Variants in TAFA2 observed in about 807,000 individuals in gnomAD.
TAFA2 encodes the protein TAFA chemokine like family member 2, also known as chemokine-like protein TAFA-2.
TAFA2 carries 7 observed loss-of-function variants against 18.8 expected under a neutral mutation model. That is an observed-to-expected ratio of 0.37 (90% CI 0.21 to 0.70). The LOEUF is 0.70. Ranked by LOEUF, TAFA2 falls within the 30% of genes least tolerant of loss-of-function variation. TAFA2 has a pLI of 0.53. For missense variants in TAFA2, 122 were observed against 158.1 expected, an observed-to-expected ratio of 0.77 and a Z score of 1.23; for synonymous variants, 60 against 54.2, an observed-to-expected ratio of 1.11 and a Z score of -0.47.
intron 1 of TAFA2, among the ~76,000 whole-genome samples, chr12:62,097,258 G>A (rs1868992707): frequency 6.6e-6 from 1 of 152,100 alleles, no homozygotes; most frequent in African/African-American, 2.4e-5. Context: ...TACTTTGAGG[G>A]GGAAGGATAG....
intron 1 of TAFA2, among the ~76,000 whole-genome samples, chr12:62,043,881 T>A (rs1038718791): frequency 6.6e-6 from 1 of 152,176 alleles, no homozygotes; most frequent in Admixed American, 6.5e-5. Flanking sequence ...TTGAAGGCTG[T>A]ATTAACAATT....
chr12:62,051,966 A>C (rs1882065980), intron 1 of TAFA2, among the ~76,000 whole-genome samples: 1 of 152,252 alleles, frequency 6.6e-6, no homozygotes, highest in South Asian at 2.1e-4. Context: ...GAAAGCACTA[A>C]TAGACAATAC....
At chr12:62,214,803 T>C (rs533744157) in intron 1 of TAFA2, among the ~76,000 whole-genome samples, 1 of 152,158 alleles carries the variant, frequency 6.6e-6, no homozygotes. Context: ...AGAAAGTGAA[T>C]TTCTGTTGTT....
intron 1 of TAFA2, among the ~76,000 whole-genome samples, chr12:62,041,958 T>C (rs1314954024): frequency 6.6e-6 from 1 of 152,142 alleles, no homozygotes; most frequent in Non-Finnish European, 1.5e-5. Context: ...TGATATAGCA[T>C]TCTTTTTATT....
intron 1 of TAFA2, among the ~76,000 whole-genome samples, chr12:61,966,193 G>A (rs1879059663): frequency 6.6e-6 from 1 of 151,860 alleles, no homozygotes; most frequent in Admixed American, 6.6e-5. Context: ...ATAAAAAAAT[G>A]TAGCTGAGAC....
At chr12:62,166,072 C>G (rs1025411466) in intron 1 of TAFA2, among the ~76,000 whole-genome samples, 1 of 151,972 alleles carries the variant, frequency 6.6e-6, no homozygotes, top group Non-Finnish European at 1.5e-5. Context: ...AAGCTATTGG[C>G]TAAATCCCTC....
intron 1 of TAFA2, among the ~76,000 whole-genome samples, chr12:62,175,630 A>G (rs1219696278): frequency 6.6e-6 from 1 of 152,102 alleles, no homozygotes; most frequent in Admixed American, 6.6e-5. Flanking sequence ...TCTCTAACAA[A>G]GTAGTTCTTC....
intron 1 of TAFA2, among the ~76,000 whole-genome samples, chr12:61,924,636 T>C (rs148345165): frequency 0.016 from 2,423 of 152,172 alleles, 42 homozygotes; most frequent in Non-Finnish European, 0.018. Flanking sequence ...TGTAAAAACA[T>C]ACCAAAATGT....
At chr12:61,972,758 A>G (rs1030589323) in intron 1 of TAFA2, among the ~76,000 whole-genome samples, 5 of 151,628 alleles carry the variant, frequency 3.3e-5, no homozygotes, top group Non-Finnish European at 5.9e-5. Context: ...TCTGGGGGAA[A>G]GAGACGGGGC....
intron 1 of TAFA2, among the ~76,000 whole-genome samples, chr12:62,053,895 T>A (rs1455838768): frequency 1.3e-5 from 2 of 152,248 alleles, no homozygotes; most frequent in Non-Finnish European, 2.9e-5. Context: ...CAGAGCTTAA[T>A]ACATAGAAAA....
intron 1 of TAFA2, among the ~76,000 whole-genome samples, chr12:61,876,661 C>T (rs1417716908): frequency 6.6e-6 from 1 of 151,968 alleles, no homozygotes; most frequent in African/African-American, 2.4e-5. Flanking sequence ...CCAACATCAA[C>T]ATATTTCAAC....
intron 2 of TAFA2, among the ~76,000 whole-genome samples, chr12:61,769,045 C>G (rs551057163): frequency 6.6e-6 from 1 of 151,942 alleles, no homozygotes; most frequent in Non-Finnish European, 1.5e-5. Flanking sequence ...TGCATGGAAG[C>G]TGGCTGAGGC....
At chr12:61,910,696 A>G (rs542429593) in intron 1 of TAFA2, among the ~76,000 whole-genome samples, 9 of 152,352 alleles carry the variant, frequency 5.9e-5, no homozygotes, top group African/African-American at 2.2e-4. Context: ...AGCTAGCCCC[A>G]GGTCACACAT....
At chr12:62,162,517 T>C (rs1280006885) in intron 1 of TAFA2, among the ~76,000 whole-genome samples, 1 of 152,220 alleles carries the variant, frequency 6.6e-6, no homozygotes. Flanking sequence ...CACCTACTTT[T>C]AATGTTTATT....
At position 62,254,535 on chromosome 12, in the gene TAFA2, A is replaced by C. The variant is rs77998096; in HGVS notation, c.-130+4228T>G. On this transcript the variant is annotated intron_variant, in intron 1 of 5. Transcript: ENST00000551619. ...TTCTCATGCTGTAGAAATCATGTCCAATGTATTACACAGAAGCCTTGGGCC... is the reference window on the plus strand; with the variant it reads ...TTCTCATGCTGTAGAAATCATGTCCCATGTATTACACAGAAGCCTTGGGCC... 5.0e-3 allele frequency among the ~76,000 whole-genome samples: 757 copies of C among 152,300 alleles called. 3 individuals carry two copies. Among genetic ancestry groups the C allele is most frequent in the African/African-American group, 0.016 (672 of 41,576 alleles).
chr12:61,797,403 C>G (rs1592395262), intron 2 of TAFA2, among the ~76,000 whole-genome samples: 1 of 152,142 alleles, frequency 6.6e-6, no homozygotes, highest in Non-Finnish European at 1.5e-5. Flanking sequence ...GAGCTTTGCA[C>G]TAATGAGCCA....
chr12:62,078,452 G>A (rs1309674347), intron 1 of TAFA2, among the ~76,000 whole-genome samples: 1 of 148,368 alleles, frequency 6.7e-6, no homozygotes, highest in South Asian at 2.1e-4. Flanking sequence ...GATCCAGCCA[G>A]CTAAAGACAA....
chr12:62,237,695 C>T (rs1186879311), intron 1 of TAFA2, among the ~76,000 whole-genome samples: 1 of 152,216 alleles, frequency 6.6e-6, no homozygotes, highest in African/African-American at 2.4e-5. Context: ...CCTAGAGATT[C>T]TTTGCAGTTG....
chr12:61,713,302 A>G (rs1417914460), intron 4 of TAFA2, among the ~76,000 whole-genome samples: 1 of 152,106 alleles, frequency 6.6e-6, no homozygotes, highest in African/African-American at 2.4e-5. Flanking sequence ...TCTCTATGTC[A>G]CTTTCCTTTT....
Sources: gnomAD v4.1 joint callset for allele counts (sites outside exome capture counted in the v4.1 genomes callset) on GRCh38, gnomAD v4.1.1 for gene constraint, MANE v1.5 for transcripts, NCBI Gene and HGNC (gene_info 2026-07-23, HGNC 2026-07-21) for gene names.